PDE6A: variants seen among roughly 807,000 people sequenced by gnomAD.
PDE6A encodes the protein rod cGMP-specific 3',5'-cyclic phosphodiesterase subunit alpha.
A neutral mutation model predicts 106.3 loss-of-function variants in PDE6A; 84 were observed. The observed-to-expected ratio is 0.79, with a 90% CI of 0.66 to 0.95. The LOEUF is 0.95. Ranked by LOEUF, PDE6A falls within the 40% of genes least tolerant of loss-of-function variation. The pLI is 0.00. For missense variants in PDE6A, 1,052 were observed against 1,084.9 expected (o/e 0.97, Z 0.43); for synonymous variants, 394 against 386.6 (o/e 1.02, Z -0.23).
intron 1 of PDE6A, among the ~76,000 whole-genome samples, chr5:149,938,105 A>G (rs139589934): frequency 2.2e-4 from 33 of 152,312 alleles, no homozygotes; most frequent in African/African-American, 7.7e-4. Flanking sequence ...ACATGAGCCC[A>G]CGACTCAAAG....
At chr5:149,886,831 G>A (rs181516848) in intron 13 of PDE6A, among the ~76,000 whole-genome samples, 88 of 152,296 alleles carry the variant, frequency 5.8e-4, no homozygotes, top group African/African-American at 1.9e-3. Context: ...TCCTTCCCTG[G>A]GATTTTGCCA....
chr5:149,883,813 A>C (rs1200275098), intron 16 of PDE6A, among the ~76,000 whole-genome samples: 1 of 152,248 alleles, frequency 6.6e-6, no homozygotes, highest in Non-Finnish European at 1.5e-5. Flanking sequence ...TGTAGCAAGA[A>C]TCAATGTGTC....
chr5:149,909,742 T>A (rs543703450), intron 6 of PDE6A, among the ~76,000 whole-genome samples: 39 of 152,354 alleles, frequency 2.6e-4, no homozygotes, highest in African/African-American at 9.1e-4. Context: ...ACAGGTTTTT[T>A]ATTTTTTACA....
At chr5:149,927,440 T>TTAAA (rs1366721649) in intron 4 of PDE6A, among the ~76,000 whole-genome samples, 2 of 152,172 alleles carry the variant, frequency 1.3e-5, no homozygotes, top group Non-Finnish European at 2.9e-5. Flanking sequence ...TAATTTTTAA[T>TTAAA]TAATTAATTA....
At chr5:149,907,262 T>C in intron 7 of PDE6A, 50 bp downstream of exon 7, 1 of 1,355,396 alleles carries the variant, frequency 7.4e-7, no homozygotes, top group East Asian at 2.3e-5. Context: ...CCTTCCACTC[T>C]TTCTTCCACG....
intron 21 of PDE6A, among the ~76,000 whole-genome samples, chr5:149,862,619 A>G (rs944341247): frequency 5.9e-5 from 9 of 152,200 alleles, no homozygotes; most frequent in Admixed American, 5.9e-4. Flanking sequence ...TTAGCCAGGC[A>G]TGGCACTGGG....
intron 4 of PDE6A, among the ~76,000 whole-genome samples, chr5:149,928,978 T>G (rs1055568670): frequency 6.6e-6 from 1 of 152,182 alleles, no homozygotes; most frequent in Admixed American, 6.5e-5. Context: ...ATGGCTAAAG[T>G]TACTAAGAAT....
intron 13 of PDE6A, among the ~76,000 whole-genome samples, chr5:149,888,206 G>C (rs1322832123): frequency 6.6e-6 from 1 of 152,084 alleles, no homozygotes; most frequent in Non-Finnish European, 1.5e-5. Context: ...TTATTACCAA[G>C]AGACTAAAAA....
intron 19 of PDE6A, 70 bp downstream of exon 19, chr5:149,867,655 G>C: frequency 7.7e-7 from 1 of 1,297,640 alleles, no homozygotes; most frequent in Non-Finnish European, 1.1e-6. Flanking sequence ...CTCCATCATG[G>C]CGAGGTCATA....
chr5:149,888,809 T>C (rs916945628), intron 13 of PDE6A, among the ~76,000 whole-genome samples: 1 of 151,708 alleles, frequency 6.6e-6, no homozygotes, highest in Admixed American at 6.6e-5. Context: ...AATGGCTGGG[T>C]GCGGTGGCTC....
chr5:149,928,779 G>C (rs1581207714), intron 4 of PDE6A, among the ~76,000 whole-genome samples: 1 of 152,090 alleles, frequency 6.6e-6, no homozygotes, highest in African/African-American at 2.4e-5. Context: ...AATTTGCAAA[G>C]AACTCCTACA....
chr5:149,863,289 C>T lies in PDE6A; in HGVS notation c.2359-23G>A. ...TTCCTAGAAGAGAGAGTATGTGCCT[C>T]TGGTGCAAGGGCCAGGCCACAGGGT... On this transcript the variant is annotated intron_variant, in intron 20 of 21. Coordinates refer to ENST00000255266, the MANE Select transcript of PDE6A (RefSeq NM_000440.3). This position sits in a 1 kb window ranked among gnomAD's most constrained non-coding sequence, Gnocchi z 4.7. 1.2e-6 allele frequency: 2 copies of T among 1,613,898 alleles called. No homozygotes were observed. The highest frequency in any genetic ancestry group is 1.7e-6 in the Non-Finnish European group (2 of 1,179,842).
At chr5:149,872,893 A>G (rs1760612248) in intron 17 of PDE6A, among the ~76,000 whole-genome samples, 1 of 152,190 alleles carries the variant, frequency 6.6e-6, no homozygotes, top group African/African-American at 2.4e-5. Context: ...CAGACAGTAA[A>G]TGTTTGACGT....
At chr5:149,899,648 T>C in intron 8 of PDE6A, 124 bp from the exon 9 acceptor site, 1 of 939,172 alleles carries the variant, frequency 1.1e-6, no homozygotes, top group Non-Finnish European at 1.7e-6. Context: ...TGGAGTTCAT[T>C]GGATTTCGCA....
intron 3 of PDE6A, among the ~76,000 whole-genome samples, 176 bp from the exon 4 acceptor site, chr5:149,931,344 A>G (rs1215351969): frequency 6.8e-6 from 1 of 146,710 alleles, no homozygotes; most frequent in Non-Finnish European, 1.5e-5. Context: ...AGATTTTTTT[A>G]AAGTTTTTAA....
chr5:149,932,416 G>A (rs1754063693), intron 3 of PDE6A: 3 of 1,378,560 alleles, frequency 2.2e-6, no homozygotes, highest in Non-Finnish European at 3.1e-6. Flanking sequence ...AGTGCGAGGA[G>A]TTTAAAGGGA....
At chr5:149,884,935 C>T (rs532969344) in intron 14 of PDE6A, 68 bp from the exon 15 acceptor site, 7 of 1,239,386 alleles carry the variant, frequency 5.6e-6, no homozygotes, top group African/African-American at 1.5e-5. Flanking sequence ...CATCAAGTCT[C>T]CTGACTCAGT....
chr5:149,861,123 G>A (rs1760125117), intron 21 of PDE6A, 152 bp from the exon 22 acceptor site: 2 of 699,640 alleles, frequency 2.9e-6, no homozygotes, highest in Admixed American at 2.0e-5. Context: ...GGTGTGAGGA[G>A]AATCACGGAA....
chr5:149,900,835 T>C (rs543919587), intron 8 of PDE6A, among the ~76,000 whole-genome samples: 69 of 152,184 alleles, frequency 4.5e-4, no homozygotes, highest in African/African-American at 1.4e-3. Flanking sequence ...CTGAAGGCCA[T>C]GATAAAAAGA....
Sources: gnomAD v4.1 joint callset for allele counts (sites outside exome capture counted in the v4.1 genomes callset) on GRCh38, gnomAD v4.1.1 for gene constraint, Gnocchi (gnomAD v3.1) non-coding constraint, MANE v1.5 for transcripts, NCBI Gene and HGNC (gene_info 2026-07-23, HGNC 2026-07-21) for gene names.